The following CSMD1 variants were observed in gnomAD, a reference collection of about 807,000 sequenced individuals.
CSMD1 encodes the protein CUB and sushi domain-containing protein 1.
CSMD1 carries 213 observed loss-of-function variants against 417.5 expected under a neutral mutation model. That is an observed-to-expected ratio of 0.51 (90% CI 0.46 to 0.57). The LOEUF is 0.57. CSMD1 is among the 20% of genes least tolerant of loss of function. The pLI, the probability that CSMD1 is intolerant of heterozygous loss-of-function variation, is 0.00. For synonymous variants in CSMD1, 2,862 were observed against 1,736.8 expected (o/e 1.65, Z -16.11); for missense variants, 6,923 against 4,529.7 (o/e 1.53, Z -15.17).
chr8:4,541,787 G>C (rs1289432120), intron 2 of CSMD1, among the ~76,000 whole-genome samples: 1 of 152,002 alleles, frequency 6.6e-6, no homozygotes, highest in Non-Finnish European at 1.5e-5. Flanking sequence ...ATATCACCAT[G>C]CTTGACCAAA....
At chr8:4,790,906 T>G (rs1797650291) in intron 1 of CSMD1, among the ~76,000 whole-genome samples, 1 of 152,160 alleles carries the variant, frequency 6.6e-6, no homozygotes, top group African/African-American at 2.4e-5. Flanking sequence ...AAATACCATT[T>G]TGGACCTAGG....
chr8:3,529,045 T>C (rs1797870956), intron 10 of CSMD1, among the ~76,000 whole-genome samples: 1 of 152,188 alleles, frequency 6.6e-6, no homozygotes, highest in Non-Finnish European at 1.5e-5. Context: ...CGAACAAGGC[T>C]CACTTTAGTA....
At chr8:4,986,587 A>G (rs79893023) in intron 1 of CSMD1, among the ~76,000 whole-genome samples, 3,188 of 152,106 alleles carry the variant, frequency 0.021, 85 homozygotes, top group South Asian at 0.074. Flanking sequence ...AGAGTATACT[A>G]AACAGTAAAA....
chr8:3,307,982 T>C (rs948921772), intron 24 of CSMD1, among the ~76,000 whole-genome samples, 161 bp from the exon 25 acceptor site: 2 of 152,226 alleles, frequency 1.3e-5, no homozygotes, highest in Non-Finnish European at 2.9e-5. Flanking sequence ...TTCTTCCAAA[T>C]CATTACCTCT....
chr8:3,903,978 T>G (rs1414050205), intron 5 of CSMD1, among the ~76,000 whole-genome samples: 2 of 152,104 alleles, frequency 1.3e-5, no homozygotes, highest in African/African-American at 4.8e-5. Context: ...CCTTGTTCTG[T>G]AGTTTCTTGA....
At chr8:3,830,776 G>C (rs191416862) in intron 5 of CSMD1, among the ~76,000 whole-genome samples, 9 of 152,114 alleles carry the variant, frequency 5.9e-5, no homozygotes, top group Admixed American at 5.2e-4. Context: ...AAGATGAATG[G>C]ATATGCACGC....
chr8:3,162,096 T>C (rs1273242999), intron 38 of CSMD1, 63 bp downstream of exon 38: 2 of 1,086,576 alleles, frequency 1.8e-6, no homozygotes, highest in African/African-American at 3.1e-5. Context: ...GGCTTTGGCT[T>C]TAAGAGAGCT....
chr8:4,040,977 C>T (rs1270643806), intron 3 of CSMD1, among the ~76,000 whole-genome samples: 1 of 149,980 alleles, frequency 6.7e-6, no homozygotes, highest in African/African-American at 2.5e-5. Context: ...AGTGAATCCT[C>T]ACGTGGTCCT....
At chr8:4,900,093 G>A (rs572570874) in intron 1 of CSMD1, among the ~76,000 whole-genome samples, 2 of 152,122 alleles carry the variant, frequency 1.3e-5, no homozygotes, top group Admixed American at 1.3e-4. Flanking sequence ...TTCCACTGCA[G>A]ACTCACCTTC....
chr8:4,076,254 C>G (rs1238032695), intron 3 of CSMD1, among the ~76,000 whole-genome samples: 2 of 152,132 alleles, frequency 1.3e-5, no homozygotes, highest in African/African-American at 4.8e-5. Context: ...CTCTCTCCTG[C>G]CACTATGTGA....
intron 26 of CSMD1, among the ~76,000 whole-genome samples, chr8:3,238,243 G>C (rs942097433): frequency 1.3e-5 from 2 of 152,152 alleles, no homozygotes; most frequent in South Asian, 4.1e-4. Context: ...TGAGCCAGGA[G>C]AAGGAATTTC....
intron 5 of CSMD1, among the ~76,000 whole-genome samples, chr8:3,821,848 G>T (rs1222689162): frequency 6.6e-6 from 1 of 152,210 alleles, no homozygotes; most frequent in Middle Eastern, 3.4e-3. Flanking sequence ...GTTAGTCATG[G>T]CAAGGAATAT....
chr8:4,126,426 G>C (rs1161545835), intron 3 of CSMD1, among the ~76,000 whole-genome samples: 1 of 152,222 alleles, frequency 6.6e-6, no homozygotes, highest in East Asian at 1.9e-4. Context: ...CAGCACCCTA[G>C]CGAAGACACA....
intron 18 of CSMD1, among the ~76,000 whole-genome samples, chr8:3,371,965 A>C (rs976369497): frequency 6.6e-6 from 1 of 152,248 alleles, no homozygotes; most frequent in Admixed American, 6.5e-5. Flanking sequence ...TGCCCCCAGC[A>C]TCAGGGATGA....
rs377090327 is a variant in CSMD1 at position 4,638,287 on chromosome 8, A to G, written c.86-729T>C. Among the ~76,000 whole-genome samples the G allele has an allele frequency of 2.4e-3, 361 of 152,260 alleles. 1 individual carries two copies. The highest frequency in any genetic ancestry group is 8.2e-3 in the African/African-American group (340 of 41,548). On this transcript the variant is annotated intron_variant, in intron 1 of 69. Coordinates refer to ENST00000635120, the MANE Select transcript of CSMD1 (RefSeq NM_033225.6). The stretch of plus-strand genomic sequence containing the variant: ...AAACATTATAAAACTATATACATAC[A>G]CACCTAGCCACATAACTGCAATATG...
intron 40 of CSMD1, among the ~76,000 whole-genome samples, chr8:3,148,377 T>G (rs565168062): frequency 6.6e-6 from 1 of 152,160 alleles, no homozygotes; most frequent in Non-Finnish European, 1.5e-5. Flanking sequence ...CTGACAAGAA[T>G]AAGGCAAGGT....
At chr8:4,137,035 C>G (rs1461141368) in intron 3 of CSMD1, among the ~76,000 whole-genome samples, 1 of 152,206 alleles carries the variant, frequency 6.6e-6, no homozygotes, top group African/African-American at 2.4e-5. Context: ...AACATGATCA[C>G]AGTTGGTTGG....
chr8:3,093,363 T>A (rs1296680943), intron 47 of CSMD1, among the ~76,000 whole-genome samples: 1 of 152,124 alleles, frequency 6.6e-6, no homozygotes, highest in African/African-American at 2.4e-5. Context: ...TCCAGAATTG[T>A]GAGAACATAA....
rs564114192 is a variant in CSMD1, at chr8:3,800,710, G to A, written c.819-46668C>T. Among the ~76,000 whole-genome samples the A allele has an allele frequency of 2.0e-5, 3 of 152,280 alleles. No individual in the cohort carries two copies. In the South Asian group the frequency reaches 6.2e-4, roughly 32 times the overall value. On this transcript the variant is annotated intron_variant, in intron 5 of 69. Transcript: ENST00000635120. ...GTGAGTGAGTTCTTGTTCTGACAAG[G>A]TAAGAACAGTTCTTGAAGGAAAAGA...
Sources: gnomAD v4.1 joint callset for allele counts (sites outside exome capture counted in the v4.1 genomes callset) on GRCh38, gnomAD v4.1.1 for gene constraint, MANE v1.5 for transcripts, NCBI Gene and HGNC (gene_info 2026-07-23, HGNC 2026-07-21) for gene names.